Variants in SEMA5A observed in about 807,000 individuals in gnomAD.
SEMA5A encodes the protein semaphorin 5A.
SEMA5A carries 55 observed loss-of-function variants against 135.5 expected under a neutral mutation model. The observed-to-expected ratio is 0.41, with a 90% CI of 0.33 to 0.51. SEMA5A has a LOEUF of 0.51. Ranked by LOEUF, SEMA5A falls within the 20% of genes least tolerant of loss-of-function variation. The probability of loss-of-function intolerance (pLI) is 0.37; values close to 1 mark genes in which losing one functional copy is unlikely to be tolerated. For missense variants in SEMA5A, 1,290 were observed against 1,419.9 expected (o/e 0.91, Z 1.47); for synonymous variants, 580 against 546.5 (o/e 1.06, Z -0.85).
chr5:9,233,370 T>C (rs1806015), intron 6 of SEMA5A, among the ~76,000 whole-genome samples: 3,772 of 152,316 alleles, frequency 0.025, 100 homozygotes, highest in East Asian at 0.1. Context: ...TAAGTAGTTA[T>C]AGAATTCAGT....
chr5:9,433,848 T>C (rs1314047260), intron 2 of SEMA5A, among the ~76,000 whole-genome samples: 2 of 152,202 alleles, frequency 1.3e-5, no homozygotes, highest in Non-Finnish European at 2.9e-5. Flanking sequence ...ACAATACTTT[T>C]ACAAAGCCAA....
At chr5:9,224,493 CA>C (rs962822687) in intron 8 of SEMA5A, among the ~76,000 whole-genome samples, 180 bp downstream of exon 8, 3 of 152,106 alleles carry the variant, frequency 2.0e-5, no homozygotes, top group African/African-American at 7.2e-5. Flanking sequence ...ACTTCTCTTC[CA>C]AATACTAAAT....
intron 4 of SEMA5A, among the ~76,000 whole-genome samples, chr5:9,319,286 T>C (rs1561141875): frequency 6.6e-6 from 1 of 152,084 alleles, no homozygotes; most frequent in African/African-American, 2.4e-5. Context: ...AAAAGAAACA[T>C]GAACTTGGTG....
chr5:9,266,538 A>T (rs1220701025), intron 5 of SEMA5A, among the ~76,000 whole-genome samples: 1 of 152,192 alleles, frequency 6.6e-6, no homozygotes, highest in African/African-American at 2.4e-5. Flanking sequence ...TAAATTAGAA[A>T]CTTTTATCTG....
intron 1 of SEMA5A, among the ~76,000 whole-genome samples, chr5:9,502,287 T>C (rs1371973160): frequency 6.6e-6 from 1 of 152,174 alleles, no homozygotes; most frequent in Non-Finnish European, 1.5e-5. Flanking sequence ...GGAATTTAAA[T>C]AAAAGCAGAA....
intron 3 of SEMA5A, among the ~76,000 whole-genome samples, chr5:9,353,947 A>T (rs1275160106): frequency 6.6e-6 from 1 of 151,372 alleles, no homozygotes; most frequent in East Asian, 1.9e-4. Context: ...AAGATGTTAA[A>T]CTTTAAAAAA....
In SEMA5A at chr5:9,084,084, C is replaced by G. The variant is rs567975575; in HGVS notation, c.2074-17438G>C. On this transcript the variant is annotated intron_variant, in intron 16 of 22. Coordinates refer to ENST00000382496, the MANE Select transcript of SEMA5A (RefSeq NM_003966.3). ...AGCCCCTTTAATAAAAGTTGAAAATCTTGATCAAAGAAAATAAAAGACCTA... is the reference window on the plus strand; with the variant it reads ...AGCCCCTTTAATAAAAGTTGAAAATGTTGATCAAAGAAAATAAAAGACCTA... Among the ~76,000 whole-genome samples the G allele has an allele frequency of 2.0e-5, 3 of 152,242 alleles. 1 individual carries two copies. Among genetic ancestry groups the G allele is most frequent in the East Asian group, 1.9e-4 (1 of 5,188 alleles).
At chr5:9,457,900 C>CTTTTTT (rs70943966) in intron 1 of SEMA5A, among the ~76,000 whole-genome samples, 11 of 70,182 alleles carry the variant, frequency 1.6e-4, no homozygotes, top group Non-Finnish European at 2.3e-4. Flanking sequence ...AGCATCTCTC[C>CTTTTTT]TTTTTTTTTT....
At position 9,465,750 on chromosome 5, in the gene SEMA5A, A is replaced by G. The variant is rs268507; in HGVS notation, c.-174-27898T>C. ...TTCTTGGAACCAATCCCCCATGGAT[A>G]CAGAGGATGACTTTATTCTCCATCT... On this transcript the variant is annotated intron_variant, in intron 1 of 22. Coordinates refer to ENST00000382496, the MANE Select transcript of SEMA5A (RefSeq NM_003966.3). 3.1e-3 allele frequency among the ~76,000 whole-genome samples: 468 copies of G among 152,360 alleles called. 2 individuals carry two copies. The highest frequency in any genetic ancestry group is 0.011 in the African/African-American group (450 of 41,590).
chr5:9,341,647 ATATATATATAATATATATAATATATAT>A (rs1277897634), intron 3 of SEMA5A, among the ~76,000 whole-genome samples: 1 of 97,706 alleles, frequency 1.0e-5, no homozygotes, highest in Non-Finnish European at 2.4e-5. Flanking sequence ...CAATATGACT[ATATATATATAATATATATAATATATAT>A]TATATATATA....
chr5:9,211,688 CGGA>C (rs1292385764), intron 8 of SEMA5A, among the ~76,000 whole-genome samples: 13 of 152,132 alleles, frequency 8.5e-5, no homozygotes, highest in African/African-American at 3.1e-4. Flanking sequence ...GACTTAAGCA[CGGA>C]GGAGATTTTC....
intron 11 of SEMA5A, among the ~76,000 whole-genome samples, chr5:9,158,294 A>T (rs1040764645): frequency 6.6e-6 from 1 of 152,238 alleles, no homozygotes; most frequent in African/African-American, 2.4e-5. Flanking sequence ...GAAAGATTTC[A>T]ACCCAAGATG....
intron 5 of SEMA5A, among the ~76,000 whole-genome samples, chr5:9,257,965 G>A (rs1479655): frequency 0.36 from 54,216 of 151,862 alleles, 10,361 homozygotes; most frequent in East Asian, 0.48. Context: ...TCCTTCCTTC[G>A]AGGCTATAGA....
chr5:9,457,133 T>C (rs1758868530), intron 1 of SEMA5A, among the ~76,000 whole-genome samples: 1 of 152,202 alleles, frequency 6.6e-6, no homozygotes, highest in Non-Finnish European at 1.5e-5. Context: ...ACTAACCACG[T>C]GCTGCTTCTA....
At chr5:9,224,589 G>T in intron 8 of SEMA5A, 85 bp downstream of exon 8, 1 of 1,146,872 alleles carries the variant, frequency 8.7e-7, no homozygotes, top group Non-Finnish European at 1.3e-6. Context: ...TTTTTATTTA[G>T]AGTGTTGTAG....
At chr5:9,324,523 G>A (rs180773769) in intron 4 of SEMA5A, among the ~76,000 whole-genome samples, 30 of 152,226 alleles carry the variant, frequency 2.0e-4, no homozygotes, top group Non-Finnish European at 3.5e-4. Flanking sequence ...AACTCCAAAT[G>A]CATTTTTGCT....
chr5:9,248,324 C>A (rs1207410713), intron 5 of SEMA5A, among the ~76,000 whole-genome samples: 1 of 152,100 alleles, frequency 6.6e-6, no homozygotes, highest in African/African-American at 2.4e-5. Flanking sequence ...TAAATCATTC[C>A]TTTTGTTATG....
At chr5:9,412,477 T>C (rs1308966630) in intron 2 of SEMA5A, among the ~76,000 whole-genome samples, 2 of 135,082 alleles carry the variant, frequency 1.5e-5, no homozygotes, top group African/African-American at 2.7e-5. Flanking sequence ...GTTATTCCTC[T>C]ACTACTTCAT....
rs568474562 is a variant in SEMA5A, at chr5:9,400,316, A to C, written c.-77-20293T>G. On this transcript the variant is annotated intron_variant, in intron 2 of 22. Coordinates refer to ENST00000382496, the MANE Select transcript of SEMA5A (RefSeq NM_003966.3). ...GTTCTGCACATGTATCCCAGAACTTAAAGTAAAATTTAAAAAATAAAAGAA... is the reference window on the plus strand; with the variant it reads ...GTTCTGCACATGTATCCCAGAACTTCAAGTAAAATTTAAAAAATAAAAGAA... 8.5e-5 allele frequency among the ~76,000 whole-genome samples: 13 copies of C among 152,328 alleles called. No homozygotes were observed. In the South Asian group the frequency reaches 2.5e-3, roughly 29 times the overall value.
Sources: gnomAD v4.1 joint callset for allele counts (sites outside exome capture counted in the v4.1 genomes callset) on GRCh38, gnomAD v4.1.1 for gene constraint, MANE v1.5 for transcripts, NCBI Gene and HGNC (gene_info 2026-07-23, HGNC 2026-07-21) for gene names.